The following CHD2 variants were observed in gnomAD, a reference collection of about 807,000 sequenced individuals.
CHD2 encodes the protein chromodomain helicase DNA binding protein 2, also known as ATP-dependent chromatin remodeler CHD2.
Under a neutral mutation model 243.9 loss-of-function variants are expected in CHD2, and 28 were observed. The observed-to-expected ratio is 0.11, with a 90% CI of 0.09 to 0.16. The LOEUF (loss-of-function observed/expected upper bound fraction) is 0.16. Among genes scored for constraint, CHD2 ranks in the 10% least tolerant of loss-of-function variants. The pLI, the probability that CHD2 is intolerant of heterozygous loss-of-function variation, is 1.00. For missense variants in CHD2, 1,386 were observed against 2,209.8 expected, an observed-to-expected ratio of 0.63 and a Z score of 7.47; for synonymous variants, 775 against 779.0, an observed-to-expected ratio of 0.99 and a Z score of 0.09.
Position 92,979,298 on chromosome 15 carries a change from G to C in CHD2, c.2876+15G>C. 1 of 1,612,140 alleles carries C rather than the reference G, an allele frequency of 6.2e-7. No homozygotes were observed. The highest frequency in any genetic ancestry group is 8.5e-7 in the Non-Finnish European group (1 of 1,179,194). On this transcript the variant is annotated intron_variant, in intron 22 of 38. Coordinates refer to ENST00000394196, the MANE Select transcript of CHD2 (RefSeq NM_001271.4). ...GGAAGGTCCAAGTAAGTGCCAGGAA[G>C]ATTGGGAGGTAGGCAGAATCAAATT...
chr15:92,924,298 ATC>A (rs749583665), intron 2 of CHD2, 21 bp from the exon 3 acceptor site: 198 of 1,584,772 alleles, frequency 1.2e-4, no homozygotes, highest in Non-Finnish European at 1.5e-4. Context: ...ATATTTTTAA[ATC>A]TCTCTCTCTC....
chr15:93,020,397 C>A, intron 38 of CHD2, 139 bp downstream of exon 38: 1 of 1,073,940 alleles, frequency 9.3e-7, no homozygotes, highest in Non-Finnish European at 1.4e-6. Context: ...ACAGCGAATC[C>A]CATGTCTTGG....
intron 12 of CHD2, chr15:92,947,390 T>C (rs1375033307): frequency 6.6e-6 from 1 of 152,158 alleles, no homozygotes; most frequent in Non-Finnish European, 1.5e-5. Flanking sequence ...AAGAGAAAGA[T>C]TCTTATAGTT....
chr15:92,979,363 A>C (rs2053948284), intron 22 of CHD2, 80 bp downstream of exon 22: 2 of 1,521,032 alleles, frequency 1.3e-6, no homozygotes, highest in Non-Finnish European at 1.8e-6. Flanking sequence ...ATTTTCTACC[A>C]CAGACATTAG....
rs113007369 is a variant in CHD2 at position 92,949,221 on chromosome 15, A to G, written c.1502+145A>G. 3.4e-3 allele frequency: 4,957 copies of G among 1,472,950 alleles called. 27 individuals carry two copies. The Middle Eastern group carries it at 0.035, about 10-fold the overall frequency. 91.2% of individuals were successfully genotyped at this position (1,472,950 alleles called of 1,614,324 possible). ...ATGCTGCATATTACAGAAATAAAAGATGATTGAGAGAAATGCTTCCTGGGA... is the reference window on the plus strand; with the variant it reads ...ATGCTGCATATTACAGAAATAAAAGGTGATTGAGAGAAATGCTTCCTGGGA... On this transcript the variant is annotated intron_variant, in intron 13 of 38. Transcript: ENST00000394196.
rs574119378 is a variant in CHD2 at position 92,922,588 on chromosome 15, A to C, written c.63-1733A>C. ...ACCTCTAGAAGATGCAGTGATGGTA[A>C]ATATAGAACTTCCCCTTACCCTTTC... On this transcript the variant is annotated intron_variant, in intron 2 of 38. Transcript: ENST00000394196. 5.9e-5 allele frequency among the ~76,000 whole-genome samples: 9 copies of C among 152,266 alleles called. No individual in the cohort carries two copies. In the South Asian group the frequency reaches 1.9e-3, roughly 32 times the overall value.
chr15:92,938,307 A>T (rs936041480), intron 6 of CHD2, among the ~76,000 whole-genome samples: 20 of 152,240 alleles, frequency 1.3e-4, no homozygotes, highest in African/African-American at 4.6e-4. Context: ...CCCCTCAAAA[A>T]CAATTCTGTT....
Position 92,997,589 on chromosome 15 carries a change from C to G in CHD2, c.3885+186C>G. The G allele has an allele frequency of 2.1e-6, 1 of 482,664 alleles. No homozygotes were observed. Among genetic ancestry groups the G allele is most frequent in the Non-Finnish European group, 3.4e-6 (1 of 298,150 alleles). The allele number at this position is 482,664 out of a possible 1,614,324, so 29.9% of individuals were successfully genotyped here. A position where few individuals can be genotyped will look rare whatever the true frequency, so the allele number is the denominator to read the frequency against. On this transcript the variant is annotated intron_variant, in intron 30 of 38. Coordinates refer to ENST00000394196, the MANE Select transcript of CHD2 (RefSeq NM_001271.4). This position sits in a 1 kb window ranked among gnomAD's most constrained non-coding sequence, Gnocchi z 4.1. The stretch of plus-strand genomic sequence containing the variant: ...CACGGATGAAGATAAAGGGAAAAGA[C>G]AGTAGCCAGGTGAAATTTTGGGGAA...
intron 2 of CHD2, among the ~76,000 whole-genome samples, chr15:92,908,986 G>A (rs1429100855): frequency 6.6e-6 from 1 of 152,034 alleles, no homozygotes. Flanking sequence ...GGACATGATG[G>A]TGGGTGCCTG....
chr15:92,951,846 T>G (rs905275201), intron 13 of CHD2, among the ~76,000 whole-genome samples: 4 of 152,238 alleles, frequency 2.6e-5, no homozygotes, highest in African/African-American at 9.6e-5. Context: ...CTTCTTTGTT[T>G]CTGTATTTTA....
chr15:93,024,769 A>G lies in CHD2; in HGVS notation c.*64A>G. The G allele has an allele frequency of 1.4e-6, 2 of 1,397,838 alleles. No homozygotes were observed. Among genetic ancestry groups the G allele is most frequent in the African/African-American group, 1.4e-5 (1 of 69,536 alleles). 86.6% of individuals were successfully genotyped at this position (1,397,838 alleles called of 1,614,324 possible). A position where few individuals can be genotyped will look rare whatever the true frequency, so the allele number is the denominator to read the frequency against. ...ACGTGGATATTTTTGGTCTGATCCT[A>G]CAGTAGCCGGTTATCTAGACCAGTA... On this transcript the variant is annotated 3_prime_UTR_variant, in exon 39 of 39. Coordinates refer to ENST00000394196, the MANE Select transcript of CHD2 (RefSeq NM_001271.4).
chr15:92,929,527 A>G (rs528068233), intron 5 of CHD2, among the ~76,000 whole-genome samples: 6 of 152,304 alleles, frequency 3.9e-5, no homozygotes, highest in African/African-American at 1.2e-4. Context: ...TTGTTTCTGT[A>G]TAATTTTAAT....
At chr15:92,969,812 CTTT>C (rs11297975) in intron 17 of CHD2, among the ~76,000 whole-genome samples, 8 of 132,576 alleles carry the variant, frequency 6.0e-5, no homozygotes, top group African/African-American at 8.3e-5. Context: ...TTAAGATTTT[CTTT>C]TTTTTTTTTT....
At chr15:93,009,403 G>C in intron 35 of CHD2, 80 bp downstream of exon 35, 1 of 1,375,976 alleles carries the variant, frequency 7.3e-7, no homozygotes, top group South Asian at 1.4e-5. Flanking sequence ...ATAAAAGGTG[G>C]CATAGCCACC....
chr15:93,010,520 T>C (rs1484727811), intron 35 of CHD2, among the ~76,000 whole-genome samples: 2 of 151,920 alleles, frequency 1.3e-5, no homozygotes, highest in African/African-American at 4.8e-5. Flanking sequence ...ACCTCCCTGG[T>C]TCAAGAGATT....
At chr15:92,919,547 T>C (rs2052914039) in intron 2 of CHD2, among the ~76,000 whole-genome samples, 1 of 152,086 alleles carries the variant, frequency 6.6e-6, no homozygotes, top group Admixed American at 6.6e-5. Context: ...CACACTACCA[T>C]GCCCAGCTAA....
chr15:93,026,624 G>A lies in CHD2; in HGVS notation c.*1919G>A, dbSNP rs72765626. 0.051 allele frequency: 7,735 copies of A among 152,396 alleles called. 217 individuals carry two copies. The highest frequency in any genetic ancestry group is 0.1 in the Middle Eastern group (30 of 296). The allele number at this position is 152,396 out of a possible 1,614,324, so 9.4% of individuals were successfully genotyped here. Reference sequence around the variant, plus strand: ...ACCTGGCCACAGTCCTCCCATGGAGGGCCTGCCGTGACGCTCAGTGGAGAG... The same window carrying A: ...ACCTGGCCACAGTCCTCCCATGGAGAGCCTGCCGTGACGCTCAGTGGAGAG... On this transcript the variant is annotated 3_prime_UTR_variant, in exon 39 of 39. Coordinates refer to ENST00000394196, the MANE Select transcript of CHD2 (RefSeq NM_001271.4).
rs1389780127 is a variant in CHD2 at position 92,900,708 on chromosome 15, TTTTA to T, written c.-180_-177del. On this transcript the variant is annotated 5_prime_UTR_variant, in exon 1 of 39. Coordinates refer to ENST00000394196, the MANE Select transcript of CHD2 (RefSeq NM_001271.4). Reference sequence around the variant, plus strand: ...GACCAGTTAACATATTTGAGGGTTATTTTATTTATTTTTCGTTTTTTAACGGAGG... The same window carrying T: ...GACCAGTTAACATATTTGAGGGTTATTTTATTTTTCGTTTTTTAACGGAGG... 1.3e-5 allele frequency: 5 copies of T among 398,056 alleles called. No homozygotes were observed. Among genetic ancestry groups the T allele is most frequent in the Admixed American group, 8.8e-5 (2 of 22,684 alleles). The allele number at this position is 398,056 out of a possible 1,614,324, so 24.7% of individuals were successfully genotyped here.
chr15:93,006,742 C>T (rs2054327388), intron 34 of CHD2, among the ~76,000 whole-genome samples: 1 of 152,174 alleles, frequency 6.6e-6, no homozygotes, highest in Admixed American at 6.5e-5. Flanking sequence ...AACCATTGTC[C>T]TACGTAGCCT....
Sources: gnomAD v4.1 joint callset for allele counts (sites outside exome capture counted in the v4.1 genomes callset) on GRCh38, gnomAD v4.1.1 for gene constraint, Gnocchi (gnomAD v3.1) non-coding constraint, MANE v1.5 for transcripts, NCBI Gene and HGNC (gene_info 2026-07-23, HGNC 2026-07-21) for gene names.